The following NGF variants were observed in gnomAD, a reference collection of about 807,000 sequenced individuals.
NGF encodes nerve growth factor, also known as beta-nerve growth factor.
A neutral mutation model predicts 12.8 loss-of-function variants in NGF; 4 were observed. The observed-to-expected ratio is 0.31, with a 90% CI of 0.15 to 0.72. The LOEUF (loss-of-function observed/expected upper bound fraction) is 0.72, where lower values mean the gene tolerates loss of function less well. Ranked by LOEUF, NGF falls within the 30% of genes least tolerant of loss-of-function variation. The probability of loss-of-function intolerance (pLI) is 0.69; values close to 1 mark genes in which losing one functional copy is unlikely to be tolerated. For missense variants in NGF, 283 were observed against 330.8 expected, an observed-to-expected ratio of 0.86 and a Z score of 1.12; for synonymous variants, 140 against 130.0, an observed-to-expected ratio of 1.08 and a Z score of -0.52.
At chr1:115,300,020 G>C (rs1000845331) in intron 1 of NGF, among the ~76,000 whole-genome samples, 2 of 152,168 alleles carry the variant, frequency 1.3e-5, no homozygotes, top group Admixed American at 1.3e-4. Context: ...GATTGAACAC[G>C]TGAAAGAAAA....
intron 1 of NGF, among the ~76,000 whole-genome samples, chr1:115,301,495 C>T (rs973367415): frequency 2.0e-4 from 31 of 152,212 alleles, no homozygotes; most frequent in African/African-American, 7.0e-4. Flanking sequence ...TGGCCAGAAT[C>T]AGGCAGCTAG....
intron 2 of NGF, among the ~76,000 whole-genome samples, chr1:115,288,243 T>C (rs978878507): frequency 1.3e-5 from 2 of 152,170 alleles, no homozygotes; most frequent in Admixed American, 6.5e-5. Context: ...TCCTACTAAA[T>C]CAGTGTAATG....
intron 1 of NGF, among the ~76,000 whole-genome samples, chr1:115,329,635 T>C (rs540201859): frequency 1.3e-5 from 2 of 152,274 alleles, no homozygotes; most frequent in Non-Finnish European, 2.9e-5. Flanking sequence ...ATCCAATGCA[T>C]ATTAATTTTT....
chr1:115,307,666 A>G (rs559040539), intron 1 of NGF, among the ~76,000 whole-genome samples: 5 of 152,378 alleles, frequency 3.3e-5, no homozygotes, highest in African/African-American at 1.2e-4. Context: ...TGGTAGTCCT[A>G]CAAGATTATT....
At chr1:115,308,356 G>A (rs1654254451) in intron 1 of NGF, among the ~76,000 whole-genome samples, 1 of 152,206 alleles carries the variant, frequency 6.6e-6, no homozygotes, top group Admixed American at 6.5e-5. Flanking sequence ...AGGTGTTAAA[G>A]GCAAACCAGG....
intron 1 of NGF, among the ~76,000 whole-genome samples, chr1:115,299,291 T>A (rs1653963053): frequency 6.6e-6 from 1 of 152,212 alleles, no homozygotes; most frequent in Non-Finnish European, 1.5e-5. Flanking sequence ...CTATGGCTCT[T>A]TGGGAAATTT....
intron 2 of NGF, among the ~76,000 whole-genome samples, 168 bp from the exon 3 acceptor site, chr1:115,286,975 C>A (rs554644284): frequency 6.6e-6 from 1 of 152,212 alleles, no homozygotes; most frequent in East Asian, 1.9e-4. Context: ...TATACCGGGA[C>A]AACAGGCGTA....
In NGF at chr1:115,312,473, T is replaced by C. The variant is rs116633456; in HGVS notation, c.-136-18723A>G. 6.8e-3 allele frequency among the ~76,000 whole-genome samples: 1,036 copies of C among 152,248 alleles called. 12 individuals carry two copies. The highest frequency in any genetic ancestry group is 0.024 in the African/African-American group (1,001 of 41,552). Reference sequence around the variant, plus strand: ...AGTGACACGACAAAGGCACAGGAAATATTTAGTGAACAACTTGGGATATAA... The same window carrying C: ...AGTGACACGACAAAGGCACAGGAAACATTTAGTGAACAACTTGGGATATAA... On this transcript the variant is annotated intron_variant, in intron 1 of 2. Coordinates refer to ENST00000369512, the MANE Select transcript of NGF (RefSeq NM_002506.3).
At chr1:115,337,260 TGTTTTTG>T (rs1557950715) in intron 1 of NGF, among the ~76,000 whole-genome samples, 1,855 of 87,066 alleles carry the variant, frequency 0.021, 101 homozygotes, top group African/African-American at 0.092. Context: ...TTTTTTGTTT[TGTTTTTG>T]TTTTTTTTTT....
chr1:115,312,415 G>C (rs1654358358), intron 1 of NGF, among the ~76,000 whole-genome samples: 1 of 152,092 alleles, frequency 6.6e-6, no homozygotes, highest in African/African-American at 2.4e-5. Context: ...TAAGGCATGA[G>C]CTTTGTTTTT....
At chr1:115,329,744 CTTTT>C (rs1039991768) in intron 1 of NGF, among the ~76,000 whole-genome samples, 4 of 103,990 alleles carry the variant, frequency 3.8e-5, no homozygotes, top group Non-Finnish European at 5.7e-5. Context: ...TTCTTTCTTT[CTTTT>C]TTTTTTTTTT....
chr1:115,295,916 A>G (rs1653852522), intron 1 of NGF, among the ~76,000 whole-genome samples: 1 of 152,240 alleles, frequency 6.6e-6, no homozygotes, highest in Non-Finnish European at 1.5e-5. Flanking sequence ...AAAGGAGAAT[A>G]AGACATAATA....
intron 1 of NGF, among the ~76,000 whole-genome samples, chr1:115,316,867 A>G (rs1654486339): frequency 6.6e-6 from 1 of 152,188 alleles, no homozygotes; most frequent in South Asian, 2.1e-4. Context: ...CTATTTGGGA[A>G]TTGGGTGTAA....
chr1:115,321,646 T>C (rs1654631542), intron 1 of NGF, among the ~76,000 whole-genome samples: 1 of 146,952 alleles, frequency 6.8e-6, no homozygotes, highest in African/African-American at 2.5e-5. Context: ...CAAGGGCAGA[T>C]GATAGAGCAT....
At position 115,325,527 on chromosome 1, in the gene NGF, A is replaced by T. The variant is rs148723225; in HGVS notation, c.-137+12677T>A. On this transcript the variant is annotated intron_variant, in intron 1 of 2. Coordinates refer to ENST00000369512, the MANE Select transcript of NGF (RefSeq NM_002506.3). ...TTGCCAAATGTCCCCTAGGAGAAAA[A>T]TCACCTTCATTTAAGAACCACTGAA... is the stretch of plus-strand genomic sequence containing the variant. Among the ~76,000 whole-genome samples the T allele has an allele frequency of 7.1e-3, 1,076 of 152,210 alleles. 17 individuals are homozygous for T. The highest frequency in any genetic ancestry group is 0.024 in the African/African-American group (1,017 of 41,528).
At chr1:115,293,446 A>T (rs1266214663) in intron 2 of NGF, among the ~76,000 whole-genome samples, 181 bp downstream of exon 2, 1 of 152,140 alleles carries the variant, frequency 6.6e-6, no homozygotes, top group African/African-American at 2.4e-5. Flanking sequence ...TGCACAAAAG[A>T]TTTCCTTTCC....
intron 1 of NGF, among the ~76,000 whole-genome samples, chr1:115,317,356 C>T (rs1035577197): frequency 1.3e-5 from 2 of 152,140 alleles, no homozygotes; most frequent in African/African-American, 4.8e-5. Flanking sequence ...AGCCCACGGT[C>T]TAGCTTGACA....
chr1:115,314,147 A>G (rs1002319126), intron 1 of NGF, among the ~76,000 whole-genome samples: 2 of 152,142 alleles, frequency 1.3e-5, no homozygotes, highest in Admixed American at 1.3e-4. Context: ...AGGAGCAAAA[A>G]TCTTGGTGTG....
intron 1 of NGF, among the ~76,000 whole-genome samples, chr1:115,325,662 T>C (rs754919387): frequency 2.6e-5 from 4 of 152,138 alleles, no homozygotes; most frequent in Non-Finnish European, 4.4e-5. Flanking sequence ...CTCTGGCTGC[T>C]GTTGGCCTAA....
Sources: gnomAD v4.1 joint callset for allele counts (sites outside exome capture counted in the v4.1 genomes callset) on GRCh38, gnomAD v4.1.1 for gene constraint, MANE v1.5 for transcripts, NCBI Gene and HGNC (gene_info 2026-07-23, HGNC 2026-07-21) for gene names.